PTPRN2: variants seen among roughly 807,000 people sequenced by gnomAD.
The protein encoded by PTPRN2 is receptor-type tyrosine-protein phosphatase N2.
In PTPRN2, 74 loss-of-function variants were observed where a neutral mutation model predicts 118.8. The ratio of observed to expected loss-of-function variants is 0.62; its 90% CI spans 0.52 to 0.76. The LOEUF (loss-of-function observed/expected upper bound fraction) is 0.76. Ranked by LOEUF, PTPRN2 falls within the 30% of genes least tolerant of loss-of-function variation. The pLI is 0.00. For missense variants in PTPRN2, 1,481 were observed against 1,394.4 expected, an observed-to-expected ratio of 1.06 and a Z score of -0.99; for synonymous variants, 641 against 608.0, an observed-to-expected ratio of 1.05 and a Z score of -0.80.
intron 3 of PTPRN2, among the ~76,000 whole-genome samples, chr7:158,245,310 G>A (rs528035831): frequency 6.6e-6 from 1 of 152,142 alleles, no homozygotes; most frequent in Non-Finnish European, 1.5e-5. Flanking sequence ...GGTCATGCCA[G>A]AATCCGTGGT....
At chr7:158,172,666 CCCA>C (rs1416787107) in intron 5 of PTPRN2, among the ~76,000 whole-genome samples, 1 of 149,788 alleles carries the variant, frequency 6.7e-6, no homozygotes, top group African/African-American at 2.5e-5. Context: ...ACAGCAGCAT[CCCA>C]CCATCATCAT....
At chr7:158,027,085 G>T (rs1230621541) in intron 11 of PTPRN2, among the ~76,000 whole-genome samples, 1 of 152,188 alleles carries the variant, frequency 6.6e-6, no homozygotes. Context: ...CAGGTCCGGG[G>T]TCCTAGAACC....
At position 158,501,488 on chromosome 7, in the gene PTPRN2, A is replaced by C. The variant is rs1822357790; in HGVS notation, c.113-11703T>G. Among the ~76,000 whole-genome samples, 3 of 152,272 alleles carry C rather than the reference A, an allele frequency of 2.0e-5. No homozygotes were observed. In the South Asian group the frequency reaches 6.2e-4, roughly 32 times the overall value. On this transcript the variant is annotated intron_variant, in intron 1 of 22. Transcript: ENST00000389418. Reference sequence around the variant, plus strand: ...CTGGGAAGCCCTGTTCCCATCCCCGACACAACGCCAGGCTGAGGCTGAGGC... The same window carrying C: ...CTGGGAAGCCCTGTTCCCATCCCCGCCACAACGCCAGGCTGAGGCTGAGGC...
At chr7:158,153,033 C>G (rs112215029) in intron 6 of PTPRN2, among the ~76,000 whole-genome samples, 10 of 140,140 alleles carry the variant, frequency 7.1e-5, no homozygotes, top group African/African-American at 2.6e-4. Flanking sequence ...ACTGGGGGGA[C>G]AAGAGCAGAC....
At chr7:158,540,589 G>A (rs1049552599) in intron 1 of PTPRN2, among the ~76,000 whole-genome samples, 3 of 152,244 alleles carry the variant, frequency 2.0e-5, no homozygotes, top group Middle Eastern at 3.4e-3. Flanking sequence ...CCCAACACGC[G>A]TACCCTCCAA....
intron 12 of PTPRN2, among the ~76,000 whole-genome samples, chr7:157,820,370 AC>A (rs1806747418): frequency 6.8e-6 from 1 of 146,222 alleles, no homozygotes; most frequent in African/African-American, 2.6e-5. Flanking sequence ...CACACAGCAG[AC>A]CCATATATAT....
chr7:158,160,953 C>A (rs1473305230), intron 6 of PTPRN2, among the ~76,000 whole-genome samples: 2 of 152,036 alleles, frequency 1.3e-5, no homozygotes, highest in Non-Finnish European at 2.9e-5. Context: ...AAATAAATGT[C>A]TTTTAAATAA....
chr7:157,773,001 G>A lies in PTPRN2; in HGVS notation c.1789-90064C>T, dbSNP rs73165840. Among the ~76,000 whole-genome samples the A allele has an allele frequency of 5.3e-3, 808 of 152,304 alleles. 8 individuals are homozygous for A. The highest frequency in any genetic ancestry group is 0.016 in the South Asian group (77 of 4,828). On this transcript the variant is annotated intron_variant, in intron 12 of 22. Coordinates refer to ENST00000389418, the MANE Select transcript of PTPRN2 (RefSeq NM_002847.5). ...CTGGGCCGCCTGCTCCCCTGTAAAT[G>A]GGCAGTGATACAACCAGCTTCCCAG...
rs1039882495 is a variant in PTPRN2 at position 157,784,558 on chromosome 7, C to T, written c.1789-101621G>A. ...AAGCCCTATCCCGCTCGGCCTGACC[C>T]TCCTCTCCACAAAGGGCTTGAAGAG... On this transcript the variant is annotated intron_variant, in intron 12 of 22. Transcript: ENST00000389418. This position sits in a 1 kb window ranked among gnomAD's most constrained non-coding sequence, Gnocchi z 4.6. Among the ~76,000 whole-genome samples, 1 of 152,166 alleles carries T rather than the reference C, an allele frequency of 6.6e-6. No homozygotes were observed. Among genetic ancestry groups the T allele is most frequent in the Non-Finnish European group, 1.5e-5 (1 of 68,046 alleles).
At chr7:158,278,406 G>A (rs1039477542) in intron 3 of PTPRN2, among the ~76,000 whole-genome samples, 16 of 147,470 alleles carry the variant, frequency 1.1e-4, no homozygotes, top group East Asian at 1.9e-4. Flanking sequence ...CCAGCTACGC[G>A]GGAGGCTGCG....
chr7:157,960,936 C>T (rs1801486998), intron 11 of PTPRN2, among the ~76,000 whole-genome samples: 2 of 152,116 alleles, frequency 1.3e-5, no homozygotes, highest in African/African-American at 2.4e-5. Context: ...GAACACAGGA[C>T]GGGGAGGTTG....
chr7:157,594,247 C>T (rs1258037474), intron 17 of PTPRN2, among the ~76,000 whole-genome samples: 1 of 152,294 alleles, frequency 6.6e-6, no homozygotes, highest in Non-Finnish European at 1.5e-5. Context: ...GCGAGGCTGA[C>T]GGGAAAGCCA....
chr7:158,068,004 T>C (rs1211620912), intron 11 of PTPRN2, among the ~76,000 whole-genome samples: 1 of 152,056 alleles, frequency 6.6e-6, no homozygotes. Context: ...GCATGGACCT[T>C]GCAGCTGGGA....
intron 6 of PTPRN2, among the ~76,000 whole-genome samples, chr7:158,157,465 G>T (rs1012372134): frequency 1.3e-5 from 2 of 152,220 alleles, no homozygotes; most frequent in African/African-American, 4.8e-5. Flanking sequence ...TTCTCACATG[G>T]GGGCAGTTTA....
rs1354822678 is a variant in PTPRN2 at position 157,785,731 on chromosome 7, G to A, written c.1789-102794C>T. ...ATGGGGCCGGCCTGGGAAGCATGGC[G>A]GGAGGGGAGAAGAATCGCGATCCTT... On this transcript the variant is annotated intron_variant, in intron 12 of 22. Transcript: ENST00000389418. This position sits in a 1 kb window ranked among gnomAD's most constrained non-coding sequence, Gnocchi z 7.3. 1.3e-5 allele frequency among the ~76,000 whole-genome samples: 2 copies of A among 152,142 alleles called. No homozygotes were observed. The highest frequency in any genetic ancestry group is 2.4e-5 in the African/African-American group (1 of 41,422).
chr7:157,640,356 G>A (rs1041527634), intron 14 of PTPRN2, among the ~76,000 whole-genome samples: 3 of 152,232 alleles, frequency 2.0e-5, no homozygotes, highest in African/African-American at 4.8e-5. Flanking sequence ...AGACAGATCT[G>A]AGGAAATTCC....
chr7:158,261,454 G>A (rs778626487), intron 3 of PTPRN2, among the ~76,000 whole-genome samples: 3 of 152,090 alleles, frequency 2.0e-5, no homozygotes, highest in Admixed American at 6.5e-5. Context: ...CACAGGCAGC[G>A]ATGGGCCAAG....
chr7:157,781,289 T>C (rs1803666346), intron 12 of PTPRN2, among the ~76,000 whole-genome samples: 1 of 152,208 alleles, frequency 6.6e-6, no homozygotes, highest in Admixed American at 6.5e-5. Context: ...GTCTGCTACA[T>C]TACCGCCTGG....
intron 12 of PTPRN2, among the ~76,000 whole-genome samples, chr7:157,827,532 A>G (rs1807263677): frequency 6.6e-6 from 1 of 152,180 alleles, no homozygotes; most frequent in African/African-American, 2.4e-5. Flanking sequence ...ACCTCCAGTG[A>G]GGCGTGACGT....
Sources: gnomAD v4.1 joint callset for allele counts (sites outside exome capture counted in the v4.1 genomes callset) on GRCh38, gnomAD v4.1.1 for gene constraint, Gnocchi (gnomAD v3.1) non-coding constraint, MANE v1.5 for transcripts, NCBI Gene and HGNC (gene_info 2026-07-23, HGNC 2026-07-21) for gene names.